The following PTPN4 variants were observed in gnomAD, a reference collection of about 807,000 sequenced individuals.
PTPN4 encodes the protein tyrosine-protein phosphatase non-receptor type 4.
Under a neutral mutation model 135.5 loss-of-function variants are expected in PTPN4, and 49 were observed. That is an observed-to-expected ratio of 0.36 (90% CI 0.29 to 0.46). The LOEUF (loss-of-function observed/expected upper bound fraction) is 0.46. PTPN4 is among the 20% of genes least tolerant of loss of function. The pLI is 1.00. For synonymous variants in PTPN4, 333 were observed against 369.9 expected (o/e 0.90, Z 1.14); for missense variants, 860 against 1,101.0 (o/e 0.78, Z 3.10).
intron 2 of PTPN4, among the ~76,000 whole-genome samples, chr2:119,855,056 A>C (rs928216604): frequency 4.6e-5 from 7 of 152,120 alleles, no homozygotes; most frequent in African/African-American, 1.7e-4. Context: ...GTTGTATCAT[A>C]ATGGAAATAT....
rs558187370 is a variant in PTPN4 at position 119,933,963 on chromosome 2, C to T, written c.1197-837C>T. Reference sequence around the variant, plus strand: ...TTCCCTTTTGCACAAACAGCCATTTCTCCATTTGTACCAGCAACACTAAAC... The same window carrying T: ...TTCCCTTTTGCACAAACAGCCATTTTTCCATTTGTACCAGCAACACTAAAC... On this transcript the variant is annotated intron_variant, in intron 14 of 26. Coordinates refer to ENST00000263708, the MANE Select transcript of PTPN4 (RefSeq NM_002830.4). Among the ~76,000 whole-genome samples, 6 of 152,290 alleles carry T rather than the reference C, an allele frequency of 3.9e-5. 1 individual carries two copies. In the South Asian group the frequency reaches 1.2e-3, roughly 32 times the overall value.
In PTPN4 at chr2:119,862,466, C is replaced by G. The variant is rs553484218; in HGVS notation, c.139-70C>G. 7.8e-6 allele frequency: 11 copies of G among 1,407,522 alleles called. No individual in the cohort carries two copies. In the East Asian group the frequency reaches 2.6e-4, roughly 33 times the overall value. 87.2% of individuals were successfully genotyped at this position (1,407,522 alleles called of 1,614,324 possible). A position where few individuals can be genotyped will look rare whatever the true frequency, so the allele number is the denominator to read the frequency against. Reference sequence around the variant, plus strand: ...GTTAATAGATGAGGACAAAAGTCAACCAGGTTAAAAAATGTGAAGAATGTA... The same window carrying G: ...GTTAATAGATGAGGACAAAAGTCAAGCAGGTTAAAAAATGTGAAGAATGTA... On this transcript the variant is annotated intron_variant, in intron 2 of 26. Coordinates refer to ENST00000263708, the MANE Select transcript of PTPN4 (RefSeq NM_002830.4).
intron 15 of PTPN4, among the ~76,000 whole-genome samples, chr2:119,944,086 A>G (rs1037220914): frequency 2.0e-5 from 3 of 152,144 alleles, no homozygotes; most frequent in Non-Finnish European, 4.4e-5. Context: ...GTGTCCCGTT[A>G]GTCAACAGAA....
At chr2:119,923,591 A>T (rs1396568688) in intron 12 of PTPN4, among the ~76,000 whole-genome samples, 1 of 152,152 alleles carries the variant, frequency 6.6e-6, no homozygotes, top group East Asian at 1.9e-4. Context: ...TCCTGAAAAC[A>T]TTTATTAAGT....
chr2:119,832,475 T>G (rs559139621), intron 2 of PTPN4, among the ~76,000 whole-genome samples: 1 of 152,192 alleles, frequency 6.6e-6, no homozygotes, highest in South Asian at 2.1e-4. Flanking sequence ...TGGGATCTTT[T>G]TCTGAGAAAG....
intron 2 of PTPN4, among the ~76,000 whole-genome samples, chr2:119,811,676 T>G (rs1442517555): frequency 1.3e-5 from 2 of 152,296 alleles, no homozygotes; most frequent in African/African-American, 4.8e-5. Flanking sequence ...AACTTTTGTC[T>G]TAGCTTAAAT....
intron 1 of PTPN4, among the ~76,000 whole-genome samples, chr2:119,807,890 C>T (rs1691503936): frequency 6.6e-6 from 1 of 152,182 alleles, no homozygotes; most frequent in African/African-American, 2.4e-5. Flanking sequence ...ATCAAGTCGG[C>T]TTCATCCCTG....
intron 5 of PTPN4, among the ~76,000 whole-genome samples, chr2:119,881,023 C>T (rs544060329): frequency 6.6e-6 from 1 of 151,962 alleles, no homozygotes; most frequent in Admixed American, 6.6e-5. Context: ...CATTTAAAAC[C>T]AAAAAGTTTG....
In PTPN4 at chr2:119,853,542, A is replaced by G. The variant is rs375745268; in HGVS notation, c.139-8994A>G. Among the ~76,000 whole-genome samples the G allele has an allele frequency of 3.9e-5, 6 of 152,244 alleles. No homozygotes were observed. The East Asian group carries it at 1.2e-3, about 29-fold the overall frequency. ...CAACATTTTACCGCTTTGAGTACAT[A>G]TAAAAACCTTATCTACTTTTAGAGA... On this transcript the variant is annotated intron_variant, in intron 2 of 26. Coordinates refer to ENST00000263708, the MANE Select transcript of PTPN4 (RefSeq NM_002830.4).
At chr2:119,794,997 C>T (rs1047032419) in intron 1 of PTPN4, among the ~76,000 whole-genome samples, 1 of 152,170 alleles carries the variant, frequency 6.6e-6, no homozygotes, top group African/African-American at 2.4e-5. Flanking sequence ...AGCTGGCTAT[C>T]CCATTGTTTC....
intron 26 of PTPN4, among the ~76,000 whole-genome samples, chr2:119,972,881 C>T (rs1679556774): frequency 6.6e-6 from 1 of 152,118 alleles, no homozygotes; most frequent in Non-Finnish European, 1.5e-5. Context: ...ATTGACCTTG[C>T]ATTCCTGAGA....
At chr2:119,845,629 T>G (rs1677486260) in intron 2 of PTPN4, among the ~76,000 whole-genome samples, 1 of 152,148 alleles carries the variant, frequency 6.6e-6, no homozygotes, top group Non-Finnish European at 1.5e-5. Context: ...TCAGTCTACC[T>G]AAAGGTTTAT....
chr2:119,770,050 A>C (rs531951807), intron 1 of PTPN4, among the ~76,000 whole-genome samples: 1 of 152,360 alleles, frequency 6.6e-6, no homozygotes, highest in Admixed American at 6.5e-5. Flanking sequence ...AATTACGTCC[A>C]AAATTGGAGG....
intron 1 of PTPN4, among the ~76,000 whole-genome samples, chr2:119,773,941 TAAATC>T (rs1690782441): frequency 6.6e-6 from 1 of 152,190 alleles, no homozygotes; most frequent in Non-Finnish European, 1.5e-5. Context: ...GATGCAGTAT[TAAATC>T]AACTGCACAA....
intron 2 of PTPN4, among the ~76,000 whole-genome samples, chr2:119,829,989 GT>G (rs894765628): frequency 5.3e-4 from 79 of 148,200 alleles, no homozygotes; most frequent in South Asian, 2.4e-3. Flanking sequence ...TATTTTCCAG[GT>G]TTTTTTTTTA....
chr2:119,940,858 A>G (rs529362433), intron 15 of PTPN4, among the ~76,000 whole-genome samples: 2 of 151,870 alleles, frequency 1.3e-5, no homozygotes, highest in African/African-American at 4.8e-5. Context: ...AGGGTTGTTC[A>G]TTTTTCTTTT....
chr2:119,879,613 C>T (rs779175911), intron 5 of PTPN4, among the ~76,000 whole-genome samples: 1 of 152,170 alleles, frequency 6.6e-6, no homozygotes, highest in Non-Finnish European at 1.5e-5. Context: ...TGAGCATAGG[C>T]ATGCACAAGT....
At chr2:119,859,953 T>TAG (rs1677737418) in intron 2 of PTPN4, among the ~76,000 whole-genome samples, 1 of 152,206 alleles carries the variant, frequency 6.6e-6, no homozygotes, top group Admixed American at 6.5e-5. Context: ...AGCAGGCTTT[T>TAG]CTTGGGCTCT....
At position 119,973,655 on chromosome 2, in the gene PTPN4, G is replaced by GTTTTTTTTTTTTTTTTTTTTTTTTTTT. The variant is rs70949378; in HGVS notation, c.2695-3328_2695-3302dup. On this transcript the variant is annotated intron_variant, in intron 26 of 26. Coordinates refer to ENST00000263708, the MANE Select transcript of PTPN4 (RefSeq NM_002830.4). Reference sequence around the variant, plus strand: ...TTGAAAGCTTCCTCCTTCATTTCTTGTTTTTTTTTTTTTTTTTTTTTTTTT... The same window carrying GTTTTTTTTTTTTTTTTTTTTTTTTTTT: ...TTGAAAGCTTCCTCCTTCATTTCTTGTTTTTTTTTTTTTTTTTTTTTTTTTTTTTTTTTTTTTTTTTTTTTTTTTTTT... Among the ~76,000 whole-genome samples, 12 of 38,392 alleles carry GTTTTTTTTTTTTTTTTTTTTTTTTTTT rather than the reference G, an allele frequency of 3.1e-4. 1 individual carries two copies. The highest frequency in any genetic ancestry group is 1.0e-3 in the African/African-American group (8 of 7,952). The allele number at this position is 38,392 out of a possible 152,430, so 25.2% of individuals were successfully genotyped here. A position where few individuals can be genotyped will look rare whatever the true frequency, so the allele number is the denominator to read the frequency against.
Sources: gnomAD v4.1 joint callset for allele counts (sites outside exome capture counted in the v4.1 genomes callset) on GRCh38, gnomAD v4.1.1 for gene constraint, MANE v1.5 for transcripts, NCBI Gene and HGNC (gene_info 2026-07-23, HGNC 2026-07-21) for gene names.